CSMD1: variants seen among roughly 807,000 people sequenced by gnomAD.
CSMD1 encodes CUB and sushi domain-containing protein 1.
In CSMD1, 213 loss-of-function variants were observed where a neutral mutation model predicts 417.5. The ratio of observed to expected loss-of-function variants is 0.51; its 90% CI spans 0.46 to 0.57. CSMD1 has a LOEUF of 0.57. CSMD1 is among the 20% of genes least tolerant of loss of function. The probability of loss-of-function intolerance (pLI) is 0.00; values close to 1 mark genes in which losing one functional copy is unlikely to be tolerated. For synonymous variants in CSMD1, 2,862 were observed against 1,736.8 expected, an observed-to-expected ratio of 1.65 and a Z score of -16.11; for missense variants, 6,923 against 4,529.7, an observed-to-expected ratio of 1.53 and a Z score of -15.17.
intron 6 of CSMD1, among the ~76,000 whole-genome samples, chr8:3,735,097 A>T (rs1796464437): frequency 6.6e-6 from 1 of 152,232 alleles, no homozygotes; most frequent in South Asian, 2.1e-4. Flanking sequence ...ACGATGTGAA[A>T]CAGGTACATT....
At position 4,392,328 on chromosome 8, in the gene CSMD1, C is replaced by T. The variant is rs146606040; in HGVS notation, c.415+27625G>A. Reference sequence around the variant, plus strand: ...GCGGCAGGTTTTACCATGGGGACCACGGATATGTAGGGAAGGTCACATGAG... The same window carrying T: ...GCGGCAGGTTTTACCATGGGGACCATGGATATGTAGGGAAGGTCACATGAG... On this transcript the variant is annotated intron_variant, in intron 3 of 69. Transcript: ENST00000635120. Among the ~76,000 whole-genome samples, 182 of 152,110 alleles carry T rather than the reference C, an allele frequency of 1.2e-3. 1 individual carries two copies. Among genetic ancestry groups the T allele is most frequent in the African/African-American group, 4.1e-3 (172 of 41,498 alleles).
intron 1 of CSMD1, among the ~76,000 whole-genome samples, chr8:4,985,849 G>A (rs892801444): frequency 1.3e-5 from 2 of 152,138 alleles, no homozygotes; most frequent in African/African-American, 2.4e-5. Flanking sequence ...GTCTTATGTT[G>A]TCCACAGGAA....
At position 3,468,835 on chromosome 8, in the gene CSMD1, G is replaced by C. The variant is rs990847742; in HGVS notation, c.1449-11C>G. On this transcript the variant is annotated splice_polypyrimidine_tract_variant and intron_variant, in intron 11 of 69. Transcript: ENST00000635120. ...CTGGATCCCGTGAGCCTGCAAGAAA[G>C]AGAAATGTCAAAGCTTTTAGGTAAG... is the stretch of plus-strand genomic sequence containing the variant. 1.3e-6 allele frequency: 2 copies of C among 1,562,326 alleles called. No homozygotes were observed. The highest frequency in any genetic ancestry group is 1.7e-4 in the Middle Eastern group (1 of 5,980).
chr8:4,704,781 G>T (rs2116835075), intron 1 of CSMD1, among the ~76,000 whole-genome samples: 1 of 152,298 alleles, frequency 6.6e-6, no homozygotes, highest in Non-Finnish European at 1.5e-5. Flanking sequence ...GAAAGGGAGT[G>T]GCAGTTGTCC....
chr8:3,949,647 AG>A (rs780559086), intron 5 of CSMD1, among the ~76,000 whole-genome samples: 2 of 152,028 alleles, frequency 1.3e-5, no homozygotes, highest in Non-Finnish European at 2.9e-5. Flanking sequence ...ACAAGATTGA[AG>A]GGGCAACGAG....
chr8:3,840,021 G>A (rs1803017303), intron 5 of CSMD1, among the ~76,000 whole-genome samples: 2 of 152,090 alleles, frequency 1.3e-5, no homozygotes, highest in Admixed American at 1.3e-4. Flanking sequence ...AAGCTCCTAA[G>A]AGTCCTATGT....
intron 7 of CSMD1, among the ~76,000 whole-genome samples, chr8:3,696,748 A>G (rs75017588): frequency 6.6e-6 from 1 of 152,238 alleles, no homozygotes; most frequent in Non-Finnish European, 1.5e-5. Context: ...GTTATAAACT[A>G]GATGTCAAGA....
At chr8:4,064,939 A>C (rs899861842) in intron 3 of CSMD1, among the ~76,000 whole-genome samples, 1 of 152,148 alleles carries the variant, frequency 6.6e-6, no homozygotes, top group Non-Finnish European at 1.5e-5. Flanking sequence ...TAAAAAAAAA[A>C]ACCTTACCTC....
chr8:3,054,394 G>T (rs912403569), intron 49 of CSMD1, among the ~76,000 whole-genome samples: 2 of 152,182 alleles, frequency 1.3e-5, no homozygotes, highest in Non-Finnish European at 2.9e-5. Context: ...GAGGCGGGAG[G>T]ATTGCTTGAG....
chr8:4,453,995 G>T (rs183131475), intron 2 of CSMD1, among the ~76,000 whole-genome samples: 4 of 151,360 alleles, frequency 2.6e-5, no homozygotes, highest in Admixed American at 2.0e-4. Flanking sequence ...CTAATTTTTT[G>T]TATTTTTTAG....
chr8:4,203,848 C>A (rs572268453), intron 3 of CSMD1, among the ~76,000 whole-genome samples: 1 of 152,116 alleles, frequency 6.6e-6, no homozygotes, highest in East Asian at 1.9e-4. Flanking sequence ...ACCTGTAATC[C>A]CAGCACTTTT....
intron 3 of CSMD1, among the ~76,000 whole-genome samples, chr8:4,371,117 G>A (rs960249899): frequency 6.6e-6 from 1 of 152,030 alleles, no homozygotes; most frequent in African/African-American, 2.4e-5. Flanking sequence ...GGTCTTTATT[G>A]CCCTTGAGAG....
At chr8:4,915,068 C>T (rs1459815825) in intron 1 of CSMD1, among the ~76,000 whole-genome samples, 4 of 152,152 alleles carry the variant, frequency 2.6e-5, no homozygotes, top group Non-Finnish European at 5.9e-5. Flanking sequence ...GAATTAAATA[C>T]ACTCGGTTTC....
At chr8:3,072,746 G>C (rs565582381) in intron 49 of CSMD1, among the ~76,000 whole-genome samples, 1 of 152,136 alleles carries the variant, frequency 6.6e-6, no homozygotes, top group Non-Finnish European at 1.5e-5. Flanking sequence ...AAGGCATGAG[G>C]TTCTTCCATT....
intron 3 of CSMD1, among the ~76,000 whole-genome samples, chr8:4,224,639 T>C (rs1269794118): frequency 1.3e-5 from 2 of 152,192 alleles, no homozygotes; most frequent in Non-Finnish European, 2.9e-5. Context: ...TCATCCATAG[T>C]GAAGAGGGAG....
intron 2 of CSMD1, among the ~76,000 whole-genome samples, chr8:4,479,307 T>A (rs1321848476): frequency 6.6e-6 from 1 of 152,180 alleles, no homozygotes; most frequent in Admixed American, 6.5e-5. Context: ...TTTTTCTTGG[T>A]AAGTATGAAA....
At chr8:3,631,548 G>A (rs1005829655) in intron 7 of CSMD1, among the ~76,000 whole-genome samples, 1 of 152,152 alleles carries the variant, frequency 6.6e-6, no homozygotes, top group African/African-American at 2.4e-5. Context: ...AAAATAGAAA[G>A]GTTTGCAAAC....
chr8:4,413,597 A>T (rs938947403), intron 3 of CSMD1, among the ~76,000 whole-genome samples: 2 of 152,118 alleles, frequency 1.3e-5, no homozygotes, highest in African/African-American at 4.8e-5. Context: ...TTATTATGAG[A>T]TCTACCCTTA....
intron 2 of CSMD1, among the ~76,000 whole-genome samples, chr8:4,446,551 T>A (rs906013513): frequency 6.6e-6 from 1 of 151,284 alleles, no homozygotes; most frequent in African/African-American, 2.5e-5. Flanking sequence ...CGGTTCTGCT[T>A]TGTTTTGTTT....
Sources: allele counts gnomAD v4.1 joint callset (sites outside exome capture counted in the v4.1 genomes callset), GRCh38; gene constraint gnomAD v4.1.1; transcripts MANE v1.5; gene names NCBI Gene and HGNC (gene_info 2026-07-23, HGNC 2026-07-21).